Variants in NUB1 observed in about 807,000 individuals in gnomAD.
NUB1 encodes NEDD8 ultimate buster 1.
Under a neutral mutation model 77.1 loss-of-function variants are expected in NUB1, and 41 were observed. That is an observed-to-expected ratio of 0.53 (90% CI 0.41 to 0.69). The LOEUF (loss-of-function observed/expected upper bound fraction) is 0.69, where lower values mean the gene tolerates loss of function less well. Ranked by LOEUF, NUB1 falls within the 30% of genes least tolerant of loss-of-function variation. The pLI, the probability that NUB1 is intolerant of heterozygous loss-of-function variation, is 0.00. For missense variants in NUB1, 643 were observed against 743.8 expected (o/e 0.86, Z 1.58); for synonymous variants, 257 against 281.0 (o/e 0.91, Z 0.85).
intron 8 of NUB1, among the ~76,000 whole-genome samples, chr7:151,362,835 A>G (rs1797448772): frequency 6.6e-6 from 1 of 152,268 alleles, no homozygotes; most frequent in South Asian, 2.1e-4. Context: ...ACCACATGAA[A>G]GAAGCAGGGA....
In NUB1 at chr7:151,375,954, G is replaced by T. The variant is rs371703710; in HGVS notation, c.1491+11G>T. ...GAAAACATTGACCGAGTGAGTGACA[G>T]GCCTTTGTGCCCTCAGCTTGGACAG... On this transcript the variant is annotated intron_variant, in intron 13 of 14. Transcript: ENST00000568733. The T allele has an allele frequency of 1.5e-5, 24 of 1,579,576 alleles. No individual in the cohort carries two copies. The African/African-American group carries it at 2.6e-4, about 17-fold the overall frequency.
At position 151,377,071 on chromosome 7, in the gene NUB1, A is replaced by C; in HGVS notation, c.1694A>C (p.Glu565Ala). Residue 565 changes from glutamate to alanine, a missense_variant, in exon 15 of 15, where the codon GAA becomes GCA. Physicochemically the swap from Glu to Ala is moderately radical, Grantham distance 107. Coordinates refer to ENST00000568733, the MANE Select transcript of NUB1 (RefSeq NM_001243351.2). ...GGAACCTCTAGTGCCTCAACAGACG[A>C]AGACATGGAGACAGAGGCCGTCAAT... ...SAGTSSASTDEDMETEAVNEI... is the reference protein window; with the variant it reads ...SAGTSSASTDADMETEAVNEI... 1 of 1,567,122 alleles carries C rather than the reference A, an allele frequency of 6.4e-7. No individual in the cohort carries two copies. The highest frequency in any genetic ancestry group is 8.6e-7 in the Non-Finnish European group (1 of 1,158,436).
intron 11 of NUB1, among the ~76,000 whole-genome samples, chr7:151,372,147 T>C (rs184496399): frequency 6.4e-4 from 97 of 152,360 alleles, no homozygotes; most frequent in Non-Finnish European, 8.1e-4. Flanking sequence ...CCGTGAGACG[T>C]AGCCTTCCTA....
At chr7:151,354,423 C>G (rs532828498) in intron 5 of NUB1, among the ~76,000 whole-genome samples, 1 of 151,526 alleles carries the variant, frequency 6.6e-6, no homozygotes, top group African/African-American at 2.4e-5. Context: ...GAAAAAAATC[C>G]AGCTAGTTTT....
chr7:151,369,694 C>A (rs1273793064), intron 11 of NUB1, among the ~76,000 whole-genome samples: 1 of 152,182 alleles, frequency 6.6e-6, no homozygotes, highest in African/African-American at 2.4e-5. Context: ...GGAATATTAG[C>A]AGGAGAGCCA....
Position 151,368,845 on chromosome 7 carries a change from G to C in NUB1, c.1206G>C (p.Gly402=). 1 of 1,613,970 alleles carries C rather than the reference G, an allele frequency of 6.2e-7. No individual in the cohort carries two copies. Among genetic ancestry groups the C allele is most frequent in the Admixed American group, 1.7e-5 (1 of 60,018 alleles). ...EARLGLRACD[G]NVDHAATHIT... ...GGCTTGGCCTGAGGGCGTGTGATGG[G>C]AACGTGGATCATGCGGCCACTCATA... is the stretch of plus-strand genomic sequence containing the variant. The change falls in exon 11 of 15, where the codon GGG becomes GGC. Residue 402 remains glycine, a synonymous_variant. Coordinates refer to ENST00000568733, the MANE Select transcript of NUB1 (RefSeq NM_001243351.2).
At chr7:151,358,149 A>G (rs1797175404) in intron 7 of NUB1, among the ~76,000 whole-genome samples, 1 of 150,642 alleles carries the variant, frequency 6.6e-6, no homozygotes, top group African/African-American at 2.4e-5. Flanking sequence ...TAATTTTTGT[A>G]TTTTTAGTAG....
rs749584437 is a variant in NUB1 at position 151,352,828 on chromosome 7, G to A, written c.361G>A (p.Gly121Arg). 1.9e-6 allele frequency: 3 copies of A among 1,557,256 alleles called. No homozygotes were observed. Among genetic ancestry groups the A allele is most frequent in the Middle Eastern group, 1.7e-4 (1 of 5,950 alleles). ...ATTTTACAGAATAGCTGAAACCTTT[G>A]GACTTCAAGAAAATTATATCAAAAT... ...ELRSKIAETF[G>R]LQENYIKIVI... Residue 121 changes from glycine to arginine, a missense_variant, in exon 5 of 15, where the codon GGA becomes AGA. By Grantham distance (125) the Gly-to-Arg change is moderately radical. Coordinates refer to ENST00000568733, the MANE Select transcript of NUB1 (RefSeq NM_001243351.2).
intron 11 of NUB1, among the ~76,000 whole-genome samples, chr7:151,372,894 G>A (rs1798026983): frequency 6.6e-6 from 1 of 152,138 alleles, no homozygotes; most frequent in Admixed American, 6.5e-5. Flanking sequence ...TGGCGCTGTG[G>A]GCACTCCAGG....
At chr7:151,364,570 G>T (rs1199017779) in intron 8 of NUB1, among the ~76,000 whole-genome samples, 1 of 152,032 alleles carries the variant, frequency 6.6e-6, no homozygotes. Context: ...TGTCGCCCAC[G>T]CTGGAGTGCA....
At chr7:151,368,490 A>G (rs555018341) in intron 10 of NUB1, among the ~76,000 whole-genome samples, 1 of 152,230 alleles carries the variant, frequency 6.6e-6, no homozygotes, top group Non-Finnish European at 1.5e-5. Context: ...AGTGGTTACC[A>G]GTCACTTCTG....
chr7:151,368,645 G>T (rs1797811660), intron 10 of NUB1, 90 bp from the exon 11 acceptor site: 12 of 1,402,096 alleles, frequency 8.6e-6, no homozygotes, highest in Admixed American at 4.8e-5. Flanking sequence ...ATTCACATTG[G>T]ATACAATCTA....
chr7:151,350,733 G>A (rs1381420193), intron 3 of NUB1, among the ~76,000 whole-genome samples: 2 of 151,876 alleles, frequency 1.3e-5, no homozygotes, highest in African/African-American at 2.4e-5. Context: ...TTGTGCCCTC[G>A]GTCTCTTGCC....
In NUB1 at chr7:151,367,866, T is replaced by A. The variant is rs778095295; in HGVS notation, c.993T>A (p.Asn331Lys). 6.3e-7 allele frequency: 1 copy of A among 1,576,566 alleles called. No homozygotes were observed. The highest frequency in any genetic ancestry group is 1.8e-5 in the Admixed American group (1 of 54,532). The change falls in exon 10 of 15, where the codon AAT becomes AAA. Residue 331 changes from asparagine to lysine, a missense_variant. Transcript: ENST00000568733. ...TTTTTCTTCAATAATTTTAGGGAAA[T>A]TGTGGGAAAGAGAAGGTACTGTTTC... Reference protein sequence around the residue: ...NHQRLVHIKGNCGKEKVLFLR... With the variant: ...NHQRLVHIKGKCGKEKVLFLR...
chr7:151,341,873 C>G (rs1197938990), intron 1 of NUB1, 27 bp downstream of exon 1: 2 of 1,486,958 alleles, frequency 1.3e-6, no homozygotes, highest in South Asian at 2.5e-5. Context: ...CGAGTGTCCT[C>G]GACCCCAGCC....
chr7:151,376,163 T>G, intron 13 of NUB1: 1 of 530,802 alleles, frequency 1.9e-6, no homozygotes, highest in Non-Finnish European at 3.4e-6. Context: ...TGTCAGGAAG[T>G]TCTCTTTAGG....
intron 2 of NUB1, among the ~76,000 whole-genome samples, chr7:151,346,548 T>C (rs1796512674): frequency 6.6e-6 from 1 of 152,220 alleles, no homozygotes; most frequent in Non-Finnish European, 1.5e-5. Flanking sequence ...ATTGAGCTGA[T>C]GACTAATACT....
At chr7:151,345,606 T>C (rs1339476770) in intron 2 of NUB1, 140 bp downstream of exon 2, 3 of 510,954 alleles carry the variant, frequency 5.9e-6, no homozygotes, top group Admixed American at 7.8e-5. Flanking sequence ...CACTTTTTAC[T>C]AGGAACTGAC....
At chr7:151,346,363 A>G (rs778099958) in intron 2 of NUB1, among the ~76,000 whole-genome samples, 3 of 152,236 alleles carry the variant, frequency 2.0e-5, no homozygotes, top group South Asian at 2.1e-4. Context: ...GGTTCCTGGC[A>G]GAGCCAAAAC....
Sources: gnomAD v4.1 joint callset for allele counts (sites outside exome capture counted in the v4.1 genomes callset) on GRCh38, gnomAD v4.1.1 for gene constraint, MANE v1.5 for transcripts, NCBI Gene and HGNC (gene_info 2026-07-23, HGNC 2026-07-21) for gene names.